CCDC18: variants seen among roughly 807,000 people sequenced by gnomAD.
The protein encoded by CCDC18 is coiled-coil domain-containing protein 18.
In CCDC18, 157 loss-of-function variants were observed where a neutral mutation model predicts 196.0. The ratio of observed to expected loss-of-function variants is 0.80; its 90% CI spans 0.70 to 0.91. CCDC18 has a LOEUF of 0.91. Ranked by LOEUF, CCDC18 falls within the 40% of genes least tolerant of loss-of-function variation. The pLI, the probability that CCDC18 is intolerant of heterozygous loss-of-function variation, is 0.00. For missense variants in CCDC18, 1,465 were observed against 1,611.6 expected, an observed-to-expected ratio of 0.91 and a Z score of 1.56; for synonymous variants, 482 against 529.2, an observed-to-expected ratio of 0.91 and a Z score of 1.22.
At chr1:93,234,810 TCTTA>T (rs1659791076) in intron 18 of CCDC18, among the ~76,000 whole-genome samples, 1 of 151,490 alleles carries the variant, frequency 6.6e-6, no homozygotes, top group African/African-American at 2.4e-5. Context: ...TGAGACCGGG[TCTTA>T]CTTTGTCACC....
chr1:93,227,174 CTTTTTTTTTTTTT>C (rs36053002), intron 17 of CCDC18, among the ~76,000 whole-genome samples: 7 of 103,698 alleles, frequency 6.8e-5, no homozygotes, highest in Admixed American at 1.0e-4. Flanking sequence ...CATTGGAAAC[CTTTTTTTTTTTTT>C]TTTTTTTTTG....
chr1:93,257,669 A>C (rs1663196283), intron 25 of CCDC18, among the ~76,000 whole-genome samples: 1 of 152,040 alleles, frequency 6.6e-6, no homozygotes, highest in Non-Finnish European at 1.5e-5. Context: ...TTTATTAGAG[A>C]TATATTATAC....
chr1:93,271,568 C>T, intron 28 of CCDC18: 1 of 975,678 alleles, frequency 1.0e-6, no homozygotes, highest in Non-Finnish European at 1.2e-6. Flanking sequence ...GGTGCAGTGG[C>T]ACATGCCTGC....
chr1:93,262,768 C>G (rs1663984576), intron 26 of CCDC18, among the ~76,000 whole-genome samples: 1 of 152,102 alleles, frequency 6.6e-6, no homozygotes, highest in Admixed American at 6.6e-5. Context: ...TACCCAGTGC[C>G]CCGGTGGGGA....
intron 1 of CCDC18, among the ~76,000 whole-genome samples, chr1:93,182,540 A>T (rs1027477837): frequency 6.6e-6 from 1 of 152,226 alleles, no homozygotes; most frequent in African/African-American, 2.4e-5. Context: ...GCTCTGTAGT[A>T]GTGGAGATTA....
At chr1:93,272,151 G>A (rs1013844674) in intron 28 of CCDC18, among the ~76,000 whole-genome samples, 7 of 152,166 alleles carry the variant, frequency 4.6e-5, no homozygotes, top group African/African-American at 1.7e-4. Flanking sequence ...ATTGTTGAGT[G>A]AGTTTTTCTT....
intron 23 of CCDC18, among the ~76,000 whole-genome samples, chr1:93,254,173 C>T (rs1314632386): frequency 6.6e-6 from 1 of 151,960 alleles, no homozygotes; most frequent in African/African-American, 2.4e-5. Context: ...AAATTTCAAT[C>T]GCTTTTGGGG....
chr1:93,243,141 T>C (rs1216673440), intron 21 of CCDC18, among the ~76,000 whole-genome samples: 1 of 152,226 alleles, frequency 6.6e-6, no homozygotes, highest in Admixed American at 6.5e-5. Context: ...CACACTTTCC[T>C]AGCAGAGGTT....
chr1:93,265,228 C>T (rs113691528), intron 27 of CCDC18, among the ~76,000 whole-genome samples: 6 of 152,144 alleles, frequency 3.9e-5, no homozygotes, highest in African/African-American at 1.2e-4. Context: ...GTAGGCCGGG[C>T]GTGGTGGCTC....
intron 4 of CCDC18, 84 bp downstream of exon 4, chr1:93,186,587 A>G (rs1650713072): frequency 9.2e-7 from 1 of 1,083,094 alleles, no homozygotes; most frequent in Non-Finnish European, 1.3e-6. Flanking sequence ...TTGTATTGCC[A>G]CATTGCCTTA....
intron 16 of CCDC18, among the ~76,000 whole-genome samples, chr1:93,223,393 T>G (rs1358102500): frequency 6.6e-6 from 1 of 152,234 alleles, no homozygotes; most frequent in Admixed American, 6.5e-5. Context: ...ACACATAAGT[T>G]ATTTATAGCA....
intron 23 of CCDC18, among the ~76,000 whole-genome samples, chr1:93,253,275 G>A (rs1386602665): frequency 6.6e-6 from 1 of 152,114 alleles, no homozygotes; most frequent in Non-Finnish European, 1.5e-5. Flanking sequence ...GCCCAGACAG[G>A]GCCAGCAGGT....
At chr1:93,212,709 AT>A (rs1380814307) in intron 11 of CCDC18, among the ~76,000 whole-genome samples, 1 of 152,232 alleles carries the variant, frequency 6.6e-6, no homozygotes, top group Non-Finnish European at 1.5e-5. Context: ...TAAAATTGAT[AT>A]CCAATAGAAC....
intron 25 of CCDC18, among the ~76,000 whole-genome samples, chr1:93,257,143 A>C (rs1337121119): frequency 4.0e-5 from 6 of 149,572 alleles, no homozygotes; most frequent in African/African-American, 1.2e-4. Context: ...AAGGCTGGGG[A>C]ATCGCTTGAA....
At chr1:93,180,707 C>T (rs1447953868), upstream of CCDC18, 2 of 1,358,054 alleles carry the variant, frequency 1.5e-6, no homozygotes, top group African/African-American at 3.0e-5. Flanking sequence ...TAGGCGCGTC[C>T]CAACGGCTCC....
At position 93,214,734 on chromosome 1, in the gene CCDC18, G is replaced by A. The variant is rs1656212202; in HGVS notation, c.1496-9G>A. ...CTATTCAGAACAATTTTCCTTTTAT[G>A]TTTATTAGCAGAAAGCGTAAAAGAT... On this transcript the variant is annotated splice_polypyrimidine_tract_variant and intron_variant, in intron 11 of 28. Transcript: ENST00000690025. 6.3e-7 allele frequency: 1 copy of A among 1,597,118 alleles called. No individual in the cohort carries two copies. The highest frequency in any genetic ancestry group is 8.6e-7 in the Non-Finnish European group (1 of 1,168,946).
chr1:93,193,779 A>G (rs1350235742), intron 6 of CCDC18, 35 bp downstream of exon 6: 81 of 1,485,172 alleles, frequency 5.5e-5, no homozygotes, highest in Non-Finnish European at 7.3e-5. Context: ...TGTTTTTGAA[A>G]GGGAATAAAA....
At chr1:93,216,957 C>T (rs149633456) in intron 13 of CCDC18, among the ~76,000 whole-genome samples, 11,300 of 88,762 alleles carry the variant, frequency 0.13, 1,718 homozygotes, top group African/African-American at 0.48. Flanking sequence ...TTTTTTGAGA[C>T]AGAGTCTCAC....
chr1:93,187,110 T>C (rs957481871), intron 4 of CCDC18, among the ~76,000 whole-genome samples: 7 of 151,970 alleles, frequency 4.6e-5, no homozygotes, highest in African/African-American at 1.7e-4. Flanking sequence ...AAATGATTGG[T>C]ATTACACAAA....
Sources: gnomAD v4.1 joint callset for allele counts (sites outside exome capture counted in the v4.1 genomes callset) on GRCh38, gnomAD v4.1.1 for gene constraint, MANE v1.5 for transcripts, NCBI Gene and HGNC (gene_info 2026-07-23, HGNC 2026-07-21) for gene names.